The following RPL22 variants were observed in gnomAD, a reference collection of about 807,000 sequenced individuals.
RPL22 encodes the protein ribosomal protein L22.
RPL22 carries 4 observed loss-of-function variants against 16.2 expected under a neutral mutation model. The ratio of observed to expected loss-of-function variants is 0.25; its 90% CI spans 0.12 to 0.57. The LOEUF (loss-of-function observed/expected upper bound fraction) is 0.57. Among genes scored for constraint, RPL22 ranks in the 20% least tolerant of loss-of-function variants. The pLI, the probability that RPL22 is intolerant of heterozygous loss-of-function variation, is 0.92. For missense variants in RPL22, 83 were observed against 156.1 expected, an observed-to-expected ratio of 0.53 and a Z score of 2.49; for synonymous variants, 43 against 54.8, an observed-to-expected ratio of 0.78 and a Z score of 0.95.
At chr1:6,199,496 A>T in intron 1 of RPL22, 66 bp downstream of exon 1, 2 of 1,542,522 alleles carry the variant, frequency 1.3e-6, no homozygotes, top group South Asian at 2.4e-5. Context: ...GCCTGGGTAG[A>T]TGCCGGGCTC....
chr1:6,194,791 G>A (rs1235376480), intron 2 of RPL22, among the ~76,000 whole-genome samples: 2 of 152,156 alleles, frequency 1.3e-5, no homozygotes, highest in Non-Finnish European at 2.9e-5. Context: ...CAGAGGCTGA[G>A]GTGGGAGGAT....
chr1:6,199,353 G>T, intron 1 of RPL22: 2 of 1,302,106 alleles, frequency 1.5e-6, no homozygotes, highest in Non-Finnish European at 2.0e-6. Context: ...GAGACCTCCC[G>T]GATCTCCCTC....
chr1:6,194,486 C>T (rs985278881), intron 2 of RPL22, among the ~76,000 whole-genome samples: 1 of 152,234 alleles, frequency 6.6e-6, no homozygotes, highest in East Asian at 1.9e-4. Context: ...CTTCAGAAAG[C>T]TTTGCCCAAA....
At position 6,186,245 on chromosome 1, in the gene RPL22, A is replaced by G. The variant is rs556049245; in HGVS notation, c.*427T>C. ...GCCCAGAAACCCGCATTTTATTGAC[A>G]GTCATTTTCCCACAGAGAATCTTAG... On this transcript the variant is annotated 3_prime_UTR_variant, in exon 4 of 4. Transcript: ENST00000234875. 5.8e-5 allele frequency: 14 copies of G among 241,028 alleles called. No individual in the cohort carries two copies. In the Admixed American group the frequency reaches 6.0e-4, roughly 10 times the overall value. The allele number at this position is 241,028 out of a possible 1,614,324, so 14.9% of individuals were successfully genotyped here.
chr1:6,191,491 C>T (rs1571186069), intron 3 of RPL22, among the ~76,000 whole-genome samples: 1 of 149,308 alleles, frequency 6.7e-6, no homozygotes. Flanking sequence ...CACGGTGAAA[C>T]CCCGTCTCTA....
intron 3 of RPL22, among the ~76,000 whole-genome samples, chr1:6,191,586 A>G (rs1667651619): frequency 6.6e-6 from 1 of 151,126 alleles, no homozygotes; most frequent in African/African-American, 2.4e-5. Context: ...GAGGCAGGAG[A>G]ATGGCGTGAA....
intron 3 of RPL22, among the ~76,000 whole-genome samples, chr1:6,189,399 G>T (rs1667620692): frequency 6.6e-6 from 1 of 152,094 alleles, no homozygotes; most frequent in African/African-American, 2.4e-5. Context: ...TCAGGTGGTT[G>T]AAATGTTCCC....
chr1:6,192,888 C>T, intron 3 of RPL22, 42 bp downstream of exon 3: 8 of 1,599,006 alleles, frequency 5.0e-6, no homozygotes, highest in Non-Finnish European at 6.8e-6. Context: ...GCGGGCTGGG[C>T]ACTGGGTGCA....
At chr1:6,190,375 GTTTTC>G (rs1038642529) in intron 3 of RPL22, among the ~76,000 whole-genome samples, 4 of 152,264 alleles carry the variant, frequency 2.6e-5, no homozygotes, top group African/African-American at 9.6e-5. Context: ...TAGTATGTTG[GTTTTC>G]TTTTGTTTGT....
At chr1:6,197,031 T>TG (rs1439024741) in intron 2 of RPL22, among the ~76,000 whole-genome samples, 5 of 150,538 alleles carry the variant, frequency 3.3e-5, no homozygotes, top group Admixed American at 6.6e-5. Flanking sequence ...CTCAGTAACT[T>TG]TTTTTGTTTT....
chr1:6,199,451 C>T, intron 1 of RPL22, 111 bp downstream of exon 1: 3 of 1,468,044 alleles, frequency 2.0e-6, no homozygotes, highest in Non-Finnish European at 2.7e-6. Context: ...GCCAGCCCAC[C>T]CCAGCAGGAC....
At chr1:6,186,863 A>C (rs374470866) in intron 3 of RPL22, 47 bp from the exon 4 acceptor site, 24 of 1,599,080 alleles carry the variant, frequency 1.5e-5, no homozygotes, top group Non-Finnish European at 2.0e-5. Context: ...TGGTGCTTGC[A>C]TTCTAAAACA....
Position 6,196,113 on chromosome 1 carries a change from T to C in RPL22, c.117+1539A>G, listed in dbSNP as rs1394507852. ...ATAAACAAAAAGTATACATTAACCA[T>C]AGATGGGGCACAGAGTGATTAGGTC... is the stretch of plus-strand genomic sequence containing the variant. On this transcript the variant is annotated intron_variant, in intron 2 of 3. Coordinates refer to ENST00000234875, the MANE Select transcript of RPL22 (RefSeq NM_000983.4). 2.0e-5 allele frequency among the ~76,000 whole-genome samples: 3 copies of C among 152,270 alleles called. No homozygotes were observed. In the East Asian group the frequency reaches 5.8e-4, roughly 29 times the overall value.
intron 2 of RPL22, 135 bp downstream of exon 2, chr1:6,197,517 C>G (rs765263921): frequency 1.4e-5 from 9 of 626,972 alleles, no homozygotes; most frequent in Non-Finnish European, 2.6e-5. Context: ...TGCCCACATT[C>G]CCAGGGTGAG....
chr1:6,192,351 A>G (rs753347158), intron 3 of RPL22, among the ~76,000 whole-genome samples: 124 of 152,292 alleles, frequency 8.1e-4, no homozygotes, highest in Non-Finnish European at 3.5e-4. Context: ...CCAGCCAAGA[A>G]TATTTTTGAG....
intron 3 of RPL22, among the ~76,000 whole-genome samples, chr1:6,188,324 G>A (rs575187532): frequency 2.6e-5 from 4 of 152,042 alleles, no homozygotes; most frequent in Non-Finnish European, 4.4e-5. Context: ...GAGCCACTGC[G>A]ACCAGCCAAA....
intron 3 of RPL22, 83 bp from the exon 4 acceptor site, chr1:6,186,899 T>G (rs1667588002): frequency 1.9e-6 from 3 of 1,572,152 alleles, no homozygotes; most frequent in Non-Finnish European, 2.6e-6. Context: ...AACCCAGCAC[T>G]CAAAATCATT....
intron 2 of RPL22, among the ~76,000 whole-genome samples, chr1:6,193,996 A>T (rs115443234): frequency 0.021 from 3,167 of 152,018 alleles, 115 homozygotes; most frequent in African/African-American, 0.072. Context: ...TCCTGAGCTC[A>T]GGAATTTGAG....
At chr1:6,199,008 G>C (rs1667757355) in intron 1 of RPL22, 2 of 152,608 alleles carry the variant, frequency 1.3e-5, no homozygotes, top group African/African-American at 4.8e-5. Flanking sequence ...AATGCAATGA[G>C]AGCCTTCTCC....
Sources: gnomAD v4.1 joint callset for allele counts (sites outside exome capture counted in the v4.1 genomes callset) on GRCh38, gnomAD v4.1.1 for gene constraint, MANE v1.5 for transcripts, NCBI Gene and HGNC (gene_info 2026-07-23, HGNC 2026-07-21) for gene names.